SHROOM4: variants seen among roughly 807,000 people sequenced by gnomAD.
SHROOM4 encodes the protein shroom family member 4, also known as protein Shroom4.
A neutral mutation model predicts 80.3 loss-of-function variants in SHROOM4; 17 were observed. The observed-to-expected ratio is 0.21, with a 90% CI of 0.14 to 0.32. The LOEUF (loss-of-function observed/expected upper bound fraction) is 0.32, where lower values mean the gene tolerates loss of function less well. SHROOM4 is among the 10% of genes least tolerant of loss of function. The probability of loss-of-function intolerance (pLI) is 1.00; values close to 1 mark genes in which losing one functional copy is unlikely to be tolerated. For missense variants in SHROOM4, 993 were observed against 1,140.3 expected (o/e 0.87, Z 1.86); for synonymous variants, 400 against 437.5 (o/e 0.91, Z 1.07).
Position 50,610,352 on chromosome X carries a change from T to TCACA in SHROOM4, c.2958-2172_2958-2169dup, listed in dbSNP as rs1557249589. Among the ~76,000 whole-genome samples, 469 of 91,698 alleles carry TCACA rather than the reference T, an allele frequency of 5.1e-3. 4 individuals carry two copies. The highest frequency in any genetic ancestry group is 0.02 in the African/African-American group (436 of 21,861). 79.6% of individuals were successfully genotyped at this position (91,698 alleles called of 115,157 possible). A position where few individuals can be genotyped will look rare whatever the true frequency, so the allele number is the denominator to read the frequency against. ...GGCATATTCTCTCTCTCTCTCTCTC[T>TCACA]CACACACACACACACACACACACAC... On this transcript the variant is annotated intron_variant, in intron 5 of 8. Transcript: ENST00000376020.
At chrX:50,769,126 A>C (rs1170786252) in intron 1 of SHROOM4, among the ~76,000 whole-genome samples, 1 of 108,645 alleles carries the variant, frequency 9.2e-6, no homozygotes, top group Admixed American at 9.9e-5. Flanking sequence ...CCAGCTCCAA[A>C]ACAAAGAGGA....
intron 1 of SHROOM4, among the ~76,000 whole-genome samples, chrX:50,797,515 A>G (rs1371695089): frequency 8.9e-6 from 1 of 112,005 alleles, no homozygotes; most frequent in Non-Finnish European, 1.9e-5. Context: ...ACACACAGAA[A>G]TATCTAAGCA....
intron 2 of SHROOM4, among the ~76,000 whole-genome samples, chrX:50,677,116 G>A (rs1410380181): frequency 9.0e-6 from 1 of 111,433 alleles, no homozygotes; most frequent in Non-Finnish European, 1.9e-5. Context: ...AGCTCCAATA[G>A]TCAAGGCTAG....
chrX:50,578,220 T>C, the SHROOM4 span, among the ~76,000 whole-genome samples: 1 of 112,646 alleles, frequency 8.9e-6, no homozygotes, highest in African/African-American at 3.2e-5. Flanking sequence ...TACAAGACAA[T>C]ATTTTAAAGG....
chrX:50,684,664 G>C, intron 2 of SHROOM4, among the ~76,000 whole-genome samples: 1 of 111,779 alleles, frequency 8.9e-6, no homozygotes, highest in Admixed American at 9.5e-5. Context: ...CTGGTTTGTA[G>C]ACTTAGGGGA....
chrX:50,634,978 T>C lies in SHROOM4; in HGVS notation c.1095A>G (p.Lys365=), dbSNP rs1173527761. ...CACAGGCTTTTGGGGATCCAACAGC[T>C]TTGGTTGAGGCCTGCATCAGTAGAT... is the stretch of plus-strand genomic sequence containing the variant. ...SEHLLMQAST[K]AVGSPKACDR... The change falls in exon 4 of 9, where the codon AAA becomes AAG. Residue 365 remains lysine (K), a synonymous_variant. Transcript: ENST00000376020. 10 of 1,211,854 alleles carry C rather than the reference T, an allele frequency of 8.3e-6. No individual in the cohort carries two copies. The highest frequency in any genetic ancestry group is 1.1e-5 in the Non-Finnish European group (10 of 895,493).
chrX:50,801,032 C>G (rs1415432295), intron 1 of SHROOM4, among the ~76,000 whole-genome samples: 1 of 109,105 alleles, frequency 9.2e-6, no homozygotes, highest in African/African-American at 3.3e-5. Flanking sequence ...CTGAATGAGG[C>G]TCCTAATGTT....
chrX:50,762,698 A>T, intron 1 of SHROOM4, among the ~76,000 whole-genome samples: 1 of 111,891 alleles, frequency 8.9e-6, no homozygotes, highest in East Asian at 2.8e-4. Flanking sequence ...TCCTTCAAGC[A>T]CTTTGATTAT....
At chrX:50,649,471 A>G (rs1349187077) in intron 2 of SHROOM4, among the ~76,000 whole-genome samples, 1 of 111,940 alleles carries the variant, frequency 8.9e-6, no homozygotes, top group African/African-American at 3.2e-5. Flanking sequence ...AATAGAGACA[A>G]AACAATGAAA....
intron 1 of SHROOM4, among the ~76,000 whole-genome samples, chrX:50,699,223 C>T (rs1450460497): frequency 8.9e-6 from 1 of 112,127 alleles, no homozygotes; most frequent in Non-Finnish European, 1.9e-5. Context: ...CAGTGAGTGG[C>T]CCAAGTAATT....
At chrX:50,797,846 G>T (rs1936047306) in intron 1 of SHROOM4, among the ~76,000 whole-genome samples, 1 of 110,663 alleles carries the variant, frequency 9.0e-6, no homozygotes, top group South Asian at 3.9e-4. Context: ...TCTTTGGAAG[G>T]GTGTCTTTGG....
chrX:50,801,007 A>G (rs1444989216), intron 1 of SHROOM4, among the ~76,000 whole-genome samples: 1 of 110,038 alleles, frequency 9.1e-6, no homozygotes, highest in African/African-American at 3.3e-5. Flanking sequence ...AGATATATCA[A>G]TGATGTTTCT....
chrX:50,647,336 GT>G (rs1253552955), intron 2 of SHROOM4, among the ~76,000 whole-genome samples: 9 of 111,490 alleles, frequency 8.1e-5, no homozygotes, highest in Non-Finnish European at 1.3e-4. Flanking sequence ...TAATGAAAGA[GT>G]TTTTTTCCCT....
At chrX:50,794,246 T>G (rs1935913556) in intron 1 of SHROOM4, among the ~76,000 whole-genome samples, 1 of 111,679 alleles carries the variant, frequency 9.0e-6, no homozygotes, top group South Asian at 3.8e-4. Context: ...TTTAACTTTT[T>G]TTAACTTCTG....
At chrX:50,603,243 C>A (rs1252928470) in intron 6 of SHROOM4, among the ~76,000 whole-genome samples, 1 of 111,078 alleles carries the variant, frequency 9.0e-6, no homozygotes, top group Non-Finnish European at 1.9e-5. Context: ...TCAGACCTAC[C>A]CCTGGATCTC....
chrX:50,812,904 A>G (rs1557273580), intron 1 of SHROOM4, among the ~76,000 whole-genome samples: 1 of 112,160 alleles, frequency 8.9e-6, no homozygotes, highest in Non-Finnish European at 1.9e-5. Context: ...ACAACAAAAA[A>G]GTGGAATAAA....
chrX:50,743,026 T>G (rs1464802852), intron 1 of SHROOM4, among the ~76,000 whole-genome samples: 8 of 111,659 alleles, frequency 7.2e-5, no homozygotes, highest in Non-Finnish European at 1.3e-4. Flanking sequence ...GATTTACTTT[T>G]TTTCTCAAGT....
rs1928890850 is a variant in SHROOM4 at position 50,591,699 on chromosome X, TTTCTTTCTTTC to T, written c.*4985_*4995del. ...TTTCTTTCTTTCTTTCTTTCTTTTC[TTTCTTTCTTTC>T]TTTCTTTCTTTCTTTCTTTCTTTTT... On this transcript the variant is annotated 3_prime_UTR_variant, in exon 9 of 9. Transcript: ENST00000376020. The T allele has an allele frequency of 1.7e-4, 6 of 35,384 alleles. No homozygotes were observed. The highest frequency in any genetic ancestry group is 1.2e-3 in the Admixed American group (3 of 2,550). 2.9% of individuals were successfully genotyped at this position (35,384 alleles called of 1,213,427 possible). A position where few individuals can be genotyped will look rare whatever the true frequency, so the allele number is the denominator to read the frequency against.
intron 1 of SHROOM4, among the ~76,000 whole-genome samples, chrX:50,727,126 C>T (rs1268110909): frequency 8.9e-6 from 1 of 112,940 alleles, no homozygotes; most frequent in African/African-American, 3.2e-5. Context: ...TTAATGAATA[C>T]CCTTCTGGGT....
Sources: allele counts gnomAD v4.1 joint callset (sites outside exome capture counted in the v4.1 genomes callset), GRCh38; gene constraint gnomAD v4.1.1; transcripts MANE v1.5; gene names NCBI Gene and HGNC (gene_info 2026-07-23, HGNC 2026-07-21).